STRN4: variants seen among roughly 807,000 people sequenced by gnomAD.
The protein encoded by STRN4 is striatin-4.
Under a neutral mutation model 77.9 loss-of-function variants are expected in STRN4, and 27 were observed. The observed-to-expected ratio is 0.35, with a 90% CI of 0.26 to 0.48. The LOEUF is 0.48. STRN4 is among the 20% of genes least tolerant of loss of function. STRN4 has a pLI of 0.99. For synonymous variants in STRN4, 466 were observed against 443.1 expected, an observed-to-expected ratio of 1.05 and a Z score of -0.65; for missense variants, 798 against 1,049.7, an observed-to-expected ratio of 0.76 and a Z score of 3.31.
chr19:46,744,067 C>T (rs771193353), intron 1 of STRN4, among the ~76,000 whole-genome samples: 87 of 152,034 alleles, frequency 5.7e-4, no homozygotes, highest in Admixed American at 1.4e-3. Context: ...ATCCTTTATC[C>T]TCCCAGAATG....
At position 46,738,164 on chromosome 19, in the gene STRN4, C is replaced by T; in HGVS notation, c.460G>A (p.Val154Ile). 6.2e-7 allele frequency: 1 copy of T among 1,614,150 alleles called. No homozygotes were observed. The highest frequency in any genetic ancestry group is 8.5e-7 in the Non-Finnish European group (1 of 1,180,002). ...GEKKADVSEQ[V>I]SNGPVESVTL... The stretch of plus-strand genomic sequence containing the variant: ...AGTGCGAGCATCAGAGGGTGGGTAC[C>T]TTGTTCTGACACATCTGCTTTCTTC... The change falls in exon 3 of 18, where the codon GTC (valine) becomes ATC (isoleucine). Residue 154 changes from valine to isoleucine, a missense_variant and splice_region_variant. Transcript: ENST00000263280. The surrounding 1 kb of genome is among the most constrained non-coding windows in gnomAD (Gnocchi z 4.5).
intron 4 of STRN4, among the ~76,000 whole-genome samples, chr19:46,735,369 A>G (rs1444881867): frequency 2.0e-5 from 3 of 152,186 alleles, no homozygotes; most frequent in Non-Finnish European, 4.4e-5. Context: ...AGTGTGGCTC[A>G]TGCCTGTTGT....
chr19:46,724,531 C>G (rs1034467324), intron 12 of STRN4, among the ~76,000 whole-genome samples: 16 of 152,384 alleles, frequency 1.0e-4, no homozygotes, highest in African/African-American at 3.6e-4. Flanking sequence ...CTGCTCCCAG[C>G]CTGGGCTGCC....
intron 5 of STRN4, 114 bp from the exon 6 acceptor site, chr19:46,730,987 A>C (rs1599876365): frequency 1.4e-6 from 2 of 1,434,338 alleles, no homozygotes; most frequent in Non-Finnish European, 1.9e-6. Context: ...TAACCCCCTA[A>C]CCCCTGAGCA....
chr19:46,722,419 G>A (rs1444503819), intron 14 of STRN4, 79 bp from the exon 15 acceptor site: 73 of 1,422,644 alleles, frequency 5.1e-5, no homozygotes, highest in Non-Finnish European at 6.8e-5. Flanking sequence ...AGCGCAGCGT[G>A]ACAGCCCCTA....
At chr19:46,736,978 C>G (rs998014308) in intron 3 of STRN4, 77 bp from the exon 4 acceptor site, 10 of 1,449,480 alleles carry the variant, frequency 6.9e-6, no homozygotes, top group African/African-American at 2.8e-5. Context: ...TCTTCCTCAC[C>G]CCTCCAACCC....
intron 9 of STRN4, among the ~76,000 whole-genome samples, 194 bp downstream of exon 9, chr19:46,727,258 T>C (rs1259624301): frequency 6.6e-6 from 1 of 151,710 alleles, no homozygotes; most frequent in Non-Finnish European, 1.5e-5. Context: ...GGAACTGTGA[T>C]TAAAACACAG....
At chr19:46,745,051 G>C (rs3786708) in intron 1 of STRN4, among the ~76,000 whole-genome samples, 5 of 101,628 alleles carry the variant, frequency 4.9e-5, no homozygotes, top group Admixed American at 2.2e-4. Context: ...GTCTACCCCC[G>C]TTCCGAGATG....
rs1011049408 is a variant in STRN4, at chr19:46,723,630, G to A, written c.1595-346C>T. Reference sequence around the variant, plus strand: ...AGCATGGTTCTGTGGCCCCAGGAGCGGCACGCAGCCTGTGCTGGACAAGGG... The same window carrying A: ...AGCATGGTTCTGTGGCCCCAGGAGCAGCACGCAGCCTGTGCTGGACAAGGG... On this transcript the variant is annotated intron_variant, in intron 12 of 17. Coordinates refer to ENST00000263280, the MANE Select transcript of STRN4 (RefSeq NM_013403.3). The surrounding 1 kb of genome is among the most constrained non-coding windows in gnomAD (Gnocchi z 5.5). 5.1e-4 allele frequency among the ~76,000 whole-genome samples: 78 copies of A among 152,312 alleles called. No individual in the cohort carries two copies. Among genetic ancestry groups the A allele is most frequent in the African/African-American group, 1.6e-3 (68 of 41,562 alleles).
In STRN4 at chr19:46,746,251, C is replaced by A. The variant is rs1298080398; in HGVS notation, c.180G>T (p.Pro60=). 3 of 1,493,338 alleles carry A rather than the reference C, an allele frequency of 2.0e-6. No homozygotes were observed. The highest frequency in any genetic ancestry group is 2.7e-6 in the Non-Finnish European group (3 of 1,128,736). The allele number at this position is 1,493,338 out of a possible 1,614,324, so 92.5% of individuals were successfully genotyped here. A position where few individuals can be genotyped will look rare whatever the true frequency, so the allele number is the denominator to read the frequency against. The change falls in exon 1 of 18, where the codon CCG becomes CCT. Residue 60 remains proline, a synonymous_variant. Transcript: ENST00000263280. ...GGGSPGPTAG[P]EPLSLPGILH... is the part of the protein sequence containing the mutation. ...GGATCCCCGGCAGGCTCAGGGGCTC[C>A]GGGCCCGCCGTGGGCCCGGGGCTGC...
chr19:46,728,095 C>G, intron 7 of STRN4, 88 bp from the exon 8 acceptor site: 1 of 1,219,986 alleles, frequency 8.2e-7, no homozygotes, highest in Non-Finnish European at 1.2e-6. Flanking sequence ...TGAGGGCCCC[C>G]TGCCACTCTG....
At position 46,741,794 on chromosome 19, in the gene STRN4, C is replaced by T. The variant is rs772096443; in HGVS notation, c.283-2906G>A. On this transcript the variant is annotated intron_variant, in intron 1 of 17. Coordinates refer to ENST00000263280, the MANE Select transcript of STRN4 (RefSeq NM_013403.3). The surrounding 1 kb of genome is among the most constrained non-coding windows in gnomAD (Gnocchi z 4.9). ...CCAGGAGCTGATGCCTCTCTGAATT[C>T]GCTGCTTCCTGTCCCAGCTAGCTGG... 2.6e-5 allele frequency among the ~76,000 whole-genome samples: 4 copies of T among 152,230 alleles called. No individual in the cohort carries two copies. Among genetic ancestry groups the T allele is most frequent in the African/African-American group, 4.8e-5 (2 of 41,464 alleles).
intron 7 of STRN4, 26 bp downstream of exon 7, chr19:46,728,592 G>C: frequency 1.9e-6 from 3 of 1,605,066 alleles, no homozygotes; most frequent in Non-Finnish European, 2.6e-6. Flanking sequence ...AGGCAAGCGG[G>C]GGCTGGCCAG....
In STRN4 at chr19:46,728,660, C is replaced by T. The variant is rs1886685974; in HGVS notation, c.997G>A (p.Asp333Asn). The T allele has an allele frequency of 6.2e-7, 1 of 1,614,028 alleles. No homozygotes were observed. Among genetic ancestry groups the T allele is most frequent in the African/African-American group, 1.3e-5 (1 of 74,942 alleles). Residue 333 changes from aspartate to asparagine, a missense_variant, in exon 7 of 18, where the codon GAC becomes AAC. Asp to Asn is a conservative substitution (Grantham distance 23, BLOSUM62 1). This residue lies in a region of STRN4 where 511 missense variants were observed against 575.9 expected (regional missense o/e 0.89). Coordinates refer to ENST00000263280, the MANE Select transcript of STRN4 (RefSeq NM_013403.3). ...GSGEDGEGAP[D>N]PRRCTVDGSP... ...CCATCCACAGTGCACCGCCGAGGGT[C>T]TGGAGCCCCTTCCCCATCCTCTCCT...
At chr19:46,739,573 A>G (rs2054437064) in intron 1 of STRN4, 1 of 153,148 alleles carries the variant, frequency 6.5e-6, no homozygotes, top group Non-Finnish European at 1.5e-5. Flanking sequence ...ATTTGGAGAC[A>G]CTGGGCCCAC....
chr19:46,733,121 C>A lies in STRN4; in HGVS notation c.655G>T (p.Ala219Ser). 1 of 1,612,888 alleles carries A rather than the reference C, an allele frequency of 6.2e-7. No homozygotes were observed. Among genetic ancestry groups the A allele is most frequent in the Non-Finnish European group, 8.5e-7 (1 of 1,179,940 alleles). ...LNGAVEPSEG[A>S]PRAPPGPAGL... The stretch of plus-strand genomic sequence containing the variant: ...GCAGGGCCTGGTGGAGCCCTGGGGG[C>A]CCCTTCACTCGGCTCCACTGCCCCG... The change falls in exon 5 of 18, where the codon GCC becomes TCC. Residue 219 changes from alanine to serine, a missense_variant. By Grantham distance (99) the Ala-to-Ser change is moderately conservative (BLOSUM62 1). Transcript: ENST00000263280. This position sits in a 1 kb window ranked among gnomAD's most constrained non-coding sequence, Gnocchi z 4.3.
intron 6 of STRN4, 188 bp from the exon 7 acceptor site, chr19:46,728,965 T>C: frequency 2.7e-6 from 2 of 734,854 alleles, no homozygotes; most frequent in Non-Finnish European, 2.1e-6. Flanking sequence ...CTAGGGCCGG[T>C]CGGCCTGACC....
chr19:46,723,087 G>C lies in STRN4; in HGVS notation c.1765+27C>G. The C allele has an allele frequency of 6.4e-7, 1 of 1,561,280 alleles. No homozygotes were observed. Among genetic ancestry groups the C allele is most frequent in the Non-Finnish European group, 8.7e-7 (1 of 1,153,228 alleles). ...AGCCTCCAGATCCCGCACAGCTCCA[G>C]GGTGAGGCACCGGGGCCCCCACTCA... is the stretch of plus-strand genomic sequence containing the variant. On this transcript the variant is annotated intron_variant, in intron 13 of 17. Coordinates refer to ENST00000263280, the MANE Select transcript of STRN4 (RefSeq NM_013403.3). The surrounding 1 kb of genome is among the most constrained non-coding windows in gnomAD (Gnocchi z 5.5).
intron 9 of STRN4, chr19:46,725,865 G>A: frequency 1.6e-6 from 1 of 620,088 alleles, no homozygotes; most frequent in Admixed American, 3.0e-5. Flanking sequence ...GGGTTCTGGA[G>A]AGACAAAGGT....
Sources: gnomAD v4.1 joint callset for allele counts (sites outside exome capture counted in the v4.1 genomes callset) on GRCh38, gnomAD v4.1.1 for gene constraint, gnomAD v4.1.1 regional missense constraint, Gnocchi (gnomAD v3.1) non-coding constraint, MANE v1.5 for transcripts, NCBI Gene and HGNC (gene_info 2026-07-23, HGNC 2026-07-21) for gene names.